Variants in CACNA1D observed in about 807,000 individuals in gnomAD.
The protein encoded by CACNA1D is voltage-dependent L-type calcium channel subunit alpha-1D.
CACNA1D carries 55 observed loss-of-function variants against 257.1 expected under a neutral mutation model. That is an observed-to-expected ratio of 0.21 (90% CI 0.17 to 0.27). The LOEUF is 0.27. Among genes scored for constraint, CACNA1D ranks in the 10% least tolerant of loss-of-function variants. The pLI, the probability that CACNA1D is intolerant of heterozygous loss-of-function variation, is 1.00. For synonymous variants in CACNA1D, 980 were observed against 1,014.9 expected (o/e 0.97, Z 0.65); for missense variants, 1,876 against 2,784.0 (o/e 0.67, Z 7.34).
Position 53,735,473 on chromosome 3 carries a change from C to A in CACNA1D, c.2721C>A (p.Asp907Glu). ...GCAGCGCTGCCCTGGCCGCAGAGGA[C>A]CCCATCCGCAGCCACTCCTTCCGGA... ...MLSSAALAAE[D>E]PIRSHSFRNT... Residue 907 changes from aspartate (D) to glutamate (E), a missense_variant, in exon 20 of 48, where the codon GAC (aspartate) becomes GAA (glutamate). This residue lies in a region of CACNA1D where 271 missense variants were observed against 425.5 expected (regional missense o/e 0.64). Coordinates refer to ENST00000350061, the MANE Select transcript of CACNA1D (RefSeq NM_001128840.3). The A allele has an allele frequency of 6.2e-7, 1 of 1,613,846 alleles. No individual in the cohort carries two copies. The highest frequency in any genetic ancestry group is 8.5e-7 in the Non-Finnish European group (1 of 1,179,798).
intron 3 of CACNA1D, among the ~76,000 whole-genome samples, chr3:53,538,539 A>G (rs1366990308): frequency 6.6e-6 from 1 of 151,742 alleles, no homozygotes; most frequent in Non-Finnish European, 1.5e-5. Flanking sequence ...TTTTAAAAGT[A>G]TGATATATTT....
chr3:53,718,570 T>TGCCC, intron 10 of CACNA1D, 182 bp downstream of exon 10: 3 of 717,946 alleles, frequency 4.2e-6, no homozygotes, highest in East Asian at 2.7e-5. Flanking sequence ...CCTGCACACC[T>TGCCC]CCCCACCCCC....
chr3:53,507,983 G>GC (rs72571471), intron 3 of CACNA1D, among the ~76,000 whole-genome samples: 7 of 151,728 alleles, frequency 4.6e-5, no homozygotes, highest in African/African-American at 7.3e-5. Flanking sequence ...GGAAAGGGGG[G>GC]GCTGAAAAGA....
chr3:53,678,330 T>G (rs766398738), intron 8 of CACNA1D, among the ~76,000 whole-genome samples: 18 of 152,296 alleles, frequency 1.2e-4, no homozygotes, highest in Non-Finnish European at 2.1e-4. Flanking sequence ...TGTTAGACAA[T>G]AAATATTGTT....
intron 15 of CACNA1D, among the ~76,000 whole-genome samples, chr3:53,729,176 C>A (rs886479518): frequency 3.0e-4 from 45 of 152,224 alleles, no homozygotes; most frequent in Non-Finnish European, 4.1e-4. Flanking sequence ...TAATTGCTTC[C>A]TGAGGCTCAT....
At chr3:53,693,892 G>A (rs2094550566) in intron 8 of CACNA1D, among the ~76,000 whole-genome samples, 1 of 152,054 alleles carries the variant, frequency 6.6e-6, no homozygotes, top group African/African-American at 2.4e-5. Flanking sequence ...AATTTTATGT[G>A]GGTCTAATTA....
At chr3:53,659,918 G>A (rs937666866) in intron 4 of CACNA1D, among the ~76,000 whole-genome samples, 2 of 152,170 alleles carry the variant, frequency 1.3e-5, no homozygotes, top group East Asian at 3.8e-4. Flanking sequence ...CTCCATTGCG[G>A]TAAAAACAGA....
At chr3:53,752,860 C>G (rs1309692211) in intron 28 of CACNA1D, among the ~76,000 whole-genome samples, 2 of 152,162 alleles carry the variant, frequency 1.3e-5, no homozygotes, top group Non-Finnish European at 2.9e-5. Context: ...ACTTCTTATT[C>G]CAGTGGGGGC....
intron 3 of CACNA1D, among the ~76,000 whole-genome samples, chr3:53,608,238 C>A (rs550742072): frequency 6.6e-6 from 1 of 152,126 alleles, no homozygotes; most frequent in East Asian, 1.9e-4. Context: ...ATCCCTATAT[C>A]ATTTGTTTCT....
At chr3:53,799,328 T>C (rs1341274366) in intron 40 of CACNA1D, among the ~76,000 whole-genome samples, 1 of 152,238 alleles carries the variant, frequency 6.6e-6, no homozygotes, top group Non-Finnish European at 1.5e-5. Flanking sequence ...CCTTCCTCCA[T>C]GCACCATGCA....
At chr3:53,613,038 C>G (rs183257978) in intron 3 of CACNA1D, among the ~76,000 whole-genome samples, 2 of 152,242 alleles carry the variant, frequency 1.3e-5, no homozygotes, top group Admixed American at 1.3e-4. Context: ...AGGGAAATTT[C>G]AGTTTGAGTT....
intron 4 of CACNA1D, among the ~76,000 whole-genome samples, chr3:53,658,942 G>C (rs2094175430): frequency 6.6e-6 from 1 of 152,122 alleles, no homozygotes. Context: ...TACCCAATCA[G>C]GGCTGTAATC....
chr3:53,808,731 C>T lies in CACNA1D; in HGVS notation c.5832C>T (p.Pro1944=), dbSNP rs1170803790. 6.2e-7 allele frequency: 1 copy of T among 1,608,702 alleles called. No individual in the cohort carries two copies. The highest frequency in any genetic ancestry group is 8.5e-7 in the Non-Finnish European group (1 of 1,180,004). The change falls in exon 46 of 48, where the codon CCC becomes CCT. Residue 1944 remains proline, a synonymous_variant. Coordinates refer to ENST00000350061, the MANE Select transcript of CACNA1D (RefSeq NM_001128840.3). ...AGGTCCCGTCGTCTCCCATCTTCCC[C>T]CATCGCACGGCCCTGCCTCTGCATC... ...QEEVPSSPIF[P]HRTALPLHLM... is the part of the protein sequence containing the mutation.
At chr3:53,718,529 C>G in intron 10 of CACNA1D, 141 bp downstream of exon 10, 1 of 1,028,868 alleles carries the variant, frequency 9.7e-7, no homozygotes, top group Non-Finnish European at 1.5e-6. Context: ...GTACCCCACG[C>G]CACGCTTCCT....
chr3:53,767,319 C>A (rs1323207675), intron 30 of CACNA1D, among the ~76,000 whole-genome samples: 1 of 152,118 alleles, frequency 6.6e-6, no homozygotes, highest in African/African-American at 2.4e-5. Context: ...AATCCCAGCA[C>A]TTTGGGAGGC....
intron 3 of CACNA1D, among the ~76,000 whole-genome samples, chr3:53,536,567 GT>G (rs1474800158): frequency 2.6e-5 from 4 of 152,378 alleles, no homozygotes; most frequent in Middle Eastern, 3.4e-3. Context: ...TAGAGCAGGA[GT>G]GGCAAACACG....
At chr3:53,650,642 T>A in intron 3 of CACNA1D, 137 bp from the exon 4 acceptor site, 1 of 903,622 alleles carries the variant, frequency 1.1e-6, no homozygotes, top group South Asian at 1.4e-5. Context: ...AATTGTTCCA[T>A]TTCTCATAAT....
intron 3 of CACNA1D, among the ~76,000 whole-genome samples, chr3:53,523,273 A>G (rs1352603620): frequency 6.6e-6 from 1 of 152,158 alleles, no homozygotes; most frequent in Non-Finnish European, 1.5e-5. Context: ...GGTTTCCTTT[A>G]TTTCAGGTTC....
At chr3:53,734,483 C>T (rs2095038073) in intron 19 of CACNA1D, among the ~76,000 whole-genome samples, 1 of 151,654 alleles carries the variant, frequency 6.6e-6, no homozygotes, top group African/African-American at 2.4e-5. Flanking sequence ...TGTACATATA[C>T]ATACATAAAT....
Sources: gnomAD v4.1 joint callset for allele counts (sites outside exome capture counted in the v4.1 genomes callset) on GRCh38, gnomAD v4.1.1 for gene constraint, gnomAD v4.1.1 regional missense constraint, MANE v1.5 for transcripts, NCBI Gene and HGNC (gene_info 2026-07-23, HGNC 2026-07-21) for gene names.